Variants in TTC6 observed in about 807,000 individuals in gnomAD.
The protein encoded by TTC6 is tetratricopeptide repeat protein 6.
TTC6 carries 172 observed loss-of-function variants against 210.4 expected under a neutral mutation model. The observed-to-expected ratio is 0.82, with a 90% CI of 0.72 to 0.93. The LOEUF (loss-of-function observed/expected upper bound fraction) is 0.93. Among genes scored for constraint, TTC6 ranks in the 40% least tolerant of loss-of-function variants. The probability of loss-of-function intolerance (pLI) is 0.00; values close to 1 mark genes in which losing one functional copy is unlikely to be tolerated. For missense variants in TTC6, 2,414 were observed against 2,318.1 expected (o/e 1.04, Z -0.85); for synonymous variants, 804 against 819.6 (o/e 0.98, Z 0.32).
At chr14:37,806,373 T>C in exon 22 of TTC6, 1 of 1,535,382 alleles carries the variant, frequency 6.5e-7, no homozygotes, top group Non-Finnish European at 8.7e-7. Flanking sequence ...TTTTGATTCT[T>C]TTACAAAAGC....
At chr14:37,679,265 A>G (rs922651059) in intron 1 of TTC6, among the ~76,000 whole-genome samples, 2 of 152,064 alleles carry the variant, frequency 1.3e-5, no homozygotes, top group African/African-American at 4.8e-5. Context: ...AAAAAGTAGT[A>G]AGACTGAGGT....
At chr14:37,725,445 G>T (rs1396960793) in intron 7 of TTC6, among the ~76,000 whole-genome samples, 2 of 149,322 alleles carry the variant, frequency 1.3e-5, no homozygotes, top group Admixed American at 1.3e-4. Flanking sequence ...CCGCCCCCTG[G>T]GTTCAAGCAA....
At chr14:37,802,586 T>A (rs1011087987) in intron 20 of TTC6, among the ~76,000 whole-genome samples, 1 of 151,928 alleles carries the variant, frequency 6.6e-6, no homozygotes, top group African/African-American at 2.4e-5. Context: ...CCATGCCCAA[T>A]CTCCGGACCT....
chr14:37,808,044 C>T (rs2139419497), intron 23 of TTC6, among the ~76,000 whole-genome samples: 1 of 151,972 alleles, frequency 6.6e-6, no homozygotes, highest in Admixed American at 6.5e-5. Flanking sequence ...AACAAAATTG[C>T]TGCTTGGGTT....
rs139200145 is a variant in TTC6 at position 37,635,936 on chromosome 14, G to A, written c.939+12933G>A. On this transcript the variant is annotated intron_variant, in intron 1 of 30. Coordinates refer to ENST00000553443, the Ensembl canonical transcript of TTC6. ...GGAGGTTGCAGTGAGCCAAGATTGC[G>A]CCATTGCACTCCAGCCCCTGGCAAC... 2.5e-3 allele frequency among the ~76,000 whole-genome samples: 336 copies of A among 135,602 alleles called. 1 individual carries two copies. Among genetic ancestry groups the A allele is most frequent in the African/African-American group, 9.0e-3 (317 of 35,276 alleles). The allele number at this position is 135,602 out of a possible 152,430, so 89.0% of individuals were successfully genotyped here. A position where few individuals can be genotyped will look rare whatever the true frequency, so the allele number is the denominator to read the frequency against.
intron 5 of TTC6, among the ~76,000 whole-genome samples, chr14:37,710,011 T>C (rs1690691686): frequency 1.3e-5 from 2 of 152,166 alleles, no homozygotes; most frequent in African/African-American, 4.8e-5. Flanking sequence ...CGATTTGCTA[T>C]GAGCACTTTA....
At chr14:37,781,186 T>A (rs1337495374) in intron 14 of TTC6, among the ~76,000 whole-genome samples, 1 of 152,228 alleles carries the variant, frequency 6.6e-6, no homozygotes, top group Non-Finnish European at 1.5e-5. Flanking sequence ...TAGTTCTAGA[T>A]CCTTGAGGAA....
chr14:37,808,769 A>T, exon 24 of TTC6: 1 of 1,523,386 alleles, frequency 6.6e-7, no homozygotes, highest in Middle Eastern at 1.7e-4. Flanking sequence ...AACTACAGCT[A>T]TCAGCATGGA....
chr14:37,770,762 G>T (rs1247818365), intron 14 of TTC6, among the ~76,000 whole-genome samples: 18 of 147,456 alleles, frequency 1.2e-4, no homozygotes, highest in Non-Finnish European at 2.0e-4. Flanking sequence ...TATCCAATTT[G>T]CCAGTCTGTG....
chr14:37,739,504 G>A (rs1480871284), intron 10 of TTC6, among the ~76,000 whole-genome samples: 1 of 150,628 alleles, frequency 6.6e-6, no homozygotes, highest in Non-Finnish European at 1.5e-5. Flanking sequence ...GGGAGGTGGA[G>A]GTTGCAATGA....
At chr14:37,737,512 A>G (rs2095905066) in intron 8 of TTC6, 148 bp from the exon 11 acceptor site, 2 of 480,152 alleles carry the variant, frequency 4.2e-6, no homozygotes, top group Non-Finnish European at 7.3e-6. Context: ...ATATAAAGTC[A>G]GTGACTTCAA....
chr14:37,757,696 C>G (rs1426273890), intron 14 of TTC6, among the ~76,000 whole-genome samples: 4 of 152,156 alleles, frequency 2.6e-5, no homozygotes, highest in Admixed American at 6.6e-5. Flanking sequence ...CAGTTCTGCT[C>G]TGATCTTTTT....
intron 2 of TTC6, among the ~76,000 whole-genome samples, chr14:37,681,837 T>C (rs1419100429): frequency 6.6e-6 from 1 of 151,960 alleles, no homozygotes; most frequent in Non-Finnish European, 1.5e-5. Context: ...ACACACAAAC[T>C]AAGTACAAAA....
intron 7 of TTC6, among the ~76,000 whole-genome samples, chr14:37,733,633 C>T (rs1169079551): frequency 6.6e-6 from 1 of 152,018 alleles, no homozygotes; most frequent in Admixed American, 6.6e-5. Flanking sequence ...CTAAACCTGG[C>T]TGGTTTTAAG....
At chr14:37,771,337 C>A (rs2096017873) in intron 14 of TTC6, among the ~76,000 whole-genome samples, 2 of 151,702 alleles carry the variant, frequency 1.3e-5, no homozygotes, top group South Asian at 4.2e-4. Flanking sequence ...TTTCCTGAAT[C>A]TGAACGTTGG....
exon 1 of TTC6, chr14:37,622,290 T>A: frequency 6.5e-7 from 1 of 1,534,926 alleles, no homozygotes; most frequent in Non-Finnish European, 8.7e-7. Flanking sequence ...GTCGAGAAGA[T>A]ACCCTTCGCT....
At chr14:37,613,320 A>C (rs1397791781) in intron 2 of TTC6, among the ~76,000 whole-genome samples, 1 of 152,114 alleles carries the variant, frequency 6.6e-6, no homozygotes, top group Non-Finnish European at 1.5e-5. Context: ...TCAATTTTTC[A>C]ACCCTTGGAT....
intron 1 of TTC6, among the ~76,000 whole-genome samples, chr14:37,658,518 G>A (rs177877): frequency 0.29 from 44,251 of 152,006 alleles, 6,687 homozygotes; most frequent in Non-Finnish European, 0.34. Flanking sequence ...GCTGGGAGCT[G>A]AATAATGTAC....
At chr14:37,807,554 T>C in intron 23 of TTC6, 94 bp downstream of exon 25, 1 of 1,127,350 alleles carries the variant, frequency 8.9e-7, no homozygotes, top group African/African-American at 1.5e-5. Context: ...TTCTATGTGG[T>C]TGGGAATCAC....
Sources: gnomAD v4.1 joint callset for allele counts (sites outside exome capture counted in the v4.1 genomes callset) on GRCh38, gnomAD v4.1.1 for gene constraint, MANE v1.5 for transcripts, NCBI Gene and HGNC (gene_info 2026-07-23, HGNC 2026-07-21) for gene names.